Variants in AGBL1 observed in about 807,000 individuals in gnomAD.
The protein encoded by AGBL1 is cytosolic carboxypeptidase 4.
In AGBL1, 130 loss-of-function variants were observed where a neutral mutation model predicts 118.9. That is an observed-to-expected ratio of 1.09 (90% CI 0.95 to 1.26). The LOEUF (loss-of-function observed/expected upper bound fraction) is 1.26. Ranked by LOEUF, AGBL1 falls within the 50% of genes most tolerant of loss-of-function variation. AGBL1 has a pLI of 0.00. For synonymous variants in AGBL1, 555 were observed against 478.9 expected (o/e 1.16, Z -2.08); for missense variants, 1,584 against 1,298.1 (o/e 1.22, Z -3.38).
intron 22 of AGBL1, among the ~76,000 whole-genome samples, chr15:86,837,832 A>G (rs2079189728): frequency 6.6e-6 from 1 of 152,190 alleles, no homozygotes; most frequent in East Asian, 1.9e-4. Context: ...CTGGCTGAAG[A>G]CCAACCTTTC....
intron 22 of AGBL1, among the ~76,000 whole-genome samples, chr15:86,791,047 G>A (rs1356684404): frequency 3.3e-5 from 5 of 152,190 alleles, no homozygotes; most frequent in Non-Finnish European, 7.3e-5. Context: ...AGATAGCATT[G>A]GAAGATAGAT....
chr15:86,205,203 A>T (rs1476708514), intron 5 of AGBL1, among the ~76,000 whole-genome samples: 2 of 152,174 alleles, frequency 1.3e-5, no homozygotes, highest in East Asian at 1.9e-4. Flanking sequence ...GGAATCACAC[A>T]TACGTAGCTT....
chr15:87,026,501 C>T (rs1490236556), intron 24 of AGBL1, among the ~76,000 whole-genome samples: 5 of 151,988 alleles, frequency 3.3e-5, no homozygotes, highest in Admixed American at 1.3e-4. Flanking sequence ...AAATAGTAGA[C>T]GTTGGCATGG....
intron 17 of AGBL1, among the ~76,000 whole-genome samples, chr15:86,358,050 CTCTT>C (rs1305822869): frequency 6.6e-6 from 1 of 151,998 alleles, no homozygotes; most frequent in Non-Finnish European, 1.5e-5. Flanking sequence ...TTAAGATAAA[CTCTT>C]TTAGCAAATT....
intron 22 of AGBL1, among the ~76,000 whole-genome samples, chr15:86,799,796 T>A (rs375122367): frequency 6.6e-6 from 1 of 152,174 alleles, no homozygotes; most frequent in East Asian, 1.9e-4. Flanking sequence ...AAACTAATCA[T>A]TACCTTGTAA....
At chr15:86,160,478 T>C (rs1275185524) in intron 5 of AGBL1, among the ~76,000 whole-genome samples, 1 of 152,178 alleles carries the variant, frequency 6.6e-6, no homozygotes, top group Non-Finnish European at 1.5e-5. Context: ...ATGGTAGTGC[T>C]GGGGTGTTGA....
At chr15:86,773,618 A>G (rs1179258969) in intron 22 of AGBL1, among the ~76,000 whole-genome samples, 4 of 148,260 alleles carry the variant, frequency 2.7e-5, no homozygotes, top group Non-Finnish European at 5.9e-5. Context: ...TTTTTTGTTG[A>G]ACATGTACCC....
At chr15:86,574,788 G>C (rs1199069745) in intron 21 of AGBL1, among the ~76,000 whole-genome samples, 3 of 151,334 alleles carry the variant, frequency 2.0e-5, no homozygotes, top group Non-Finnish European at 4.4e-5. Context: ...ATGTTGGCCA[G>C]GCTGGTCTCG....
At chr15:86,428,015 T>A (rs1296082422) in intron 18 of AGBL1, among the ~76,000 whole-genome samples, 1 of 152,168 alleles carries the variant, frequency 6.6e-6, no homozygotes, top group Admixed American at 6.5e-5. Flanking sequence ...GACCCTCCAT[T>A]CTGTAGATGA....
In AGBL1 at chr15:86,170,824, C is replaced by T. The variant is rs1207012325; in HGVS notation, c.488+11798C>T. Among the ~76,000 whole-genome samples the T allele has an allele frequency of 5.3e-5, 8 of 151,112 alleles. No individual in the cohort carries two copies. The East Asian group carries it at 5.8e-4, about 11-fold the overall frequency. ...TCACACCACTGCACTCCAGCCTGGG[C>T]GACTGAGCAAGACTCTGTCTCCACA... On this transcript the variant is annotated intron_variant, in intron 5 of 22. Coordinates refer to ENST00000614907, the MANE Select transcript of AGBL1 (RefSeq NM_001386094.1).
At chr15:86,195,016 G>C (rs938089801) in intron 5 of AGBL1, among the ~76,000 whole-genome samples, 3 of 152,112 alleles carry the variant, frequency 2.0e-5, no homozygotes, top group African/African-American at 7.2e-5. Flanking sequence ...CTAAGCATGA[G>C]TGATTTACTT....
intron 7 of AGBL1, among the ~76,000 whole-genome samples, chr15:86,252,627 A>G (rs1455173210): frequency 6.6e-6 from 1 of 152,220 alleles, no homozygotes; most frequent in Admixed American, 6.5e-5. Flanking sequence ...TGCTGACCAG[A>G]GAAGCCTCCA....
chr15:86,137,032 G>A (rs775908295), intron 1 of AGBL1, among the ~76,000 whole-genome samples: 29 of 152,064 alleles, frequency 1.9e-4, no homozygotes, highest in Non-Finnish European at 3.4e-4. Flanking sequence ...ATCACATCCT[G>A]CCTTCTTTAA....
intron 18 of AGBL1, among the ~76,000 whole-genome samples, chr15:86,459,274 T>C (rs1373678395): frequency 6.6e-6 from 1 of 152,104 alleles, no homozygotes; most frequent in Non-Finnish European, 1.5e-5. Context: ...TCAATAGGAA[T>C]TGCACTTTTA....
intron 22 of AGBL1, among the ~76,000 whole-genome samples, chr15:86,724,408 G>T (rs1325270933): frequency 6.6e-6 from 1 of 152,064 alleles, no homozygotes; most frequent in Non-Finnish European, 1.5e-5. Context: ...GCATTAGATT[G>T]ATTCAGTGCT....
At chr15:86,150,653 A>G (rs1234015682) in intron 3 of AGBL1, among the ~76,000 whole-genome samples, 1 of 152,334 alleles carries the variant, frequency 6.6e-6, no homozygotes, top group East Asian at 1.9e-4. Flanking sequence ...AAAAAAGTCC[A>G]GGTCCAGATG....
At chr15:86,171,104 A>G (rs927364358) in intron 5 of AGBL1, among the ~76,000 whole-genome samples, 9 of 152,240 alleles carry the variant, frequency 5.9e-5, no homozygotes, top group Admixed American at 5.9e-4. Flanking sequence ...AAACTAAAAG[A>G]CATCATCAAC....
intron 22 of AGBL1, among the ~76,000 whole-genome samples, chr15:86,799,188 A>G (rs1054840100): frequency 1.3e-5 from 2 of 151,518 alleles, no homozygotes; most frequent in Admixed American, 1.3e-4. Context: ...TTATTTTATT[A>G]TTATTATACT....
At chr15:86,236,937 G>T (rs1597602851) in intron 6 of AGBL1, among the ~76,000 whole-genome samples, 1 of 56,026 alleles carries the variant, frequency 1.8e-5, no homozygotes, top group South Asian at 1.1e-3. Context: ...GTGGGCGGGG[G>T]GGGGCGGGGG....
Sources: allele counts gnomAD v4.1 joint callset (sites outside exome capture counted in the v4.1 genomes callset), GRCh38; gene constraint gnomAD v4.1.1; transcripts MANE v1.5; gene names NCBI Gene and HGNC (gene_info 2026-07-23, HGNC 2026-07-21).